Variants in FRYL observed in about 807,000 individuals in gnomAD.
FRYL encodes the protein FRY like transcription coactivator.
FRYL carries 150 observed loss-of-function variants against 351.2 expected under a neutral mutation model. The ratio of observed to expected loss-of-function variants is 0.43; its 90% CI spans 0.37 to 0.49. FRYL has a LOEUF of 0.49. Among genes scored for constraint, FRYL ranks in the 20% least tolerant of loss-of-function variants. FRYL has a pLI of 0.00. For synonymous variants in FRYL, 1,153 were observed against 1,257.1 expected, an observed-to-expected ratio of 0.92 and a Z score of 1.75; for missense variants, 3,036 against 3,619.3, an observed-to-expected ratio of 0.84 and a Z score of 4.13.
At chr4:48,736,233 T>C (rs529670196) in intron 1 of FRYL, among the ~76,000 whole-genome samples, 32 of 152,148 alleles carry the variant, frequency 2.1e-4, no homozygotes, top group African/African-American at 7.0e-4. Context: ...AGGGGGAATT[T>C]TGCTGCCTTA....
Position 48,549,354 on chromosome 4 carries a change from T to C in FRYL, c.4784+119A>G, listed in dbSNP as rs1732157514. On this transcript the variant is annotated intron_variant, in intron 39 of 63. Transcript: ENST00000358350. The surrounding 1 kb of genome is among the most constrained non-coding windows in gnomAD (Gnocchi z 4.2). ...TAGAATCTAAACACATTGATCTGTGTTGCAGTATCTCCATAAAGAAGATTG... is the reference window on the plus strand; with the variant it reads ...TAGAATCTAAACACATTGATCTGTGCTGCAGTATCTCCATAAAGAAGATTG... 2 of 745,228 alleles carry C rather than the reference T, an allele frequency of 2.7e-6. No individual in the cohort carries two copies. Among genetic ancestry groups the C allele is most frequent in the East Asian group, 5.7e-5 (2 of 35,264 alleles). The allele number at this position is 745,228 out of a possible 1,614,324, so 46.2% of individuals were successfully genotyped here.
intron 7 of FRYL, among the ~76,000 whole-genome samples, chr4:48,614,559 T>A (rs1748948679): frequency 6.6e-6 from 1 of 151,412 alleles, no homozygotes; most frequent in African/African-American, 2.4e-5. Flanking sequence ...CCATCTCTTC[T>A]AAAAATACAA....
chr4:48,582,192 C>A (rs1414741356), intron 20 of FRYL, among the ~76,000 whole-genome samples: 1 of 152,100 alleles, frequency 6.6e-6, no homozygotes, highest in East Asian at 1.9e-4. Context: ...AAATGGAAGA[C>A]TACCAAAAAT....
intron 7 of FRYL, among the ~76,000 whole-genome samples, chr4:48,613,869 T>C (rs1241783601): frequency 1.3e-5 from 2 of 151,660 alleles, no homozygotes; most frequent in African/African-American, 4.8e-5. Flanking sequence ...GGCAGGAGAA[T>C]TGCTTAAACC....
chr4:48,499,752 T>C lies in FRYL; in HGVS notation c.8784-72A>G. 2.2e-6 allele frequency: 3 copies of C among 1,340,956 alleles called. No individual in the cohort carries two copies. The South Asian group carries it at 4.0e-5, about 18-fold the overall frequency. The allele number at this position is 1,340,956 out of a possible 1,614,324, so 83.1% of individuals were successfully genotyped here. The stretch of plus-strand genomic sequence containing the variant: ...TAAGACTAACTCAATTTAAGTTAAA[T>C]ACCTGTAACAACAACATTTCCTTGT... On this transcript the variant is annotated intron_variant, in intron 63 of 63. Transcript: ENST00000358350.
At chr4:48,609,680 CTT>C in intron 8 of FRYL, 62 bp downstream of exon 8, 1 of 737,946 alleles carries the variant, frequency 1.4e-6, no homozygotes, top group Admixed American at 2.8e-5. Context: ...ATCAGTAAGA[CTT>C]AAAATAGTCT....
chr4:48,572,645 C>T (rs893682338), intron 26 of FRYL, among the ~76,000 whole-genome samples: 40 of 152,210 alleles, frequency 2.6e-4, no homozygotes, highest in African/African-American at 9.1e-4. Flanking sequence ...TACTTGAGTG[C>T]GTAATAAATT....
At chr4:48,656,460 T>G (rs1424374616) in intron 3 of FRYL, among the ~76,000 whole-genome samples, 1 of 132,828 alleles carries the variant, frequency 7.5e-6, no homozygotes, top group Non-Finnish European at 1.5e-5. Context: ...CATATAATCA[T>G]GTACATATAA....
At chr4:48,702,125 A>T (rs1448754404) in intron 2 of FRYL, among the ~76,000 whole-genome samples, 1 of 152,138 alleles carries the variant, frequency 6.6e-6, no homozygotes, top group Admixed American at 6.5e-5. Context: ...ATCTCATACA[A>T]TTCAACGTAT....
intron 17 of FRYL, among the ~76,000 whole-genome samples, chr4:48,590,187 A>C (rs1318062270): frequency 1.3e-5 from 2 of 152,156 alleles, no homozygotes; most frequent in Non-Finnish European, 2.9e-5. Context: ...TATCAAAAAA[A>C]CGTATTCACT....
intron 3 of FRYL, chr4:48,653,930 C>A (rs779822362): frequency 1.6e-5 from 20 of 1,225,940 alleles, no homozygotes; most frequent in Non-Finnish European, 2.1e-5. Flanking sequence ...CCCACAGTGC[C>A]TTGGCTTCAT....
chr4:48,581,455 T>C lies in FRYL; in HGVS notation c.2137A>G (p.Ile713Val). 1 of 1,611,064 alleles carries C rather than the reference T, an allele frequency of 6.2e-7. No individual in the cohort carries two copies. Among genetic ancestry groups the C allele is most frequent in the Non-Finnish European group, 8.5e-7 (1 of 1,179,242 alleles). ...RRLAVSVLRE[I>V]RALFALLEIP... ...TCCAGAAGTGCAAATAAAGCCCGTA[T>C]TTCTCTAAGGACACTGACGGCTAGT... Residue 713 changes from isoleucine (I) to valine (V), a missense_variant, in exon 21 of 64, where the codon ATA becomes GTA. Physicochemically the swap from Ile to Val is conservative, Grantham distance 29. Around this residue, in one of 7 missense-constraint regions of FRYL, gnomAD observed 492 missense variants for 551.5 expected, o/e 0.89. Coordinates refer to ENST00000358350, the MANE Select transcript of FRYL (RefSeq NM_015030.2).
intron 47 of FRYL, among the ~76,000 whole-genome samples, chr4:48,536,333 A>T (rs926833302): frequency 2.0e-5 from 3 of 152,204 alleles, no homozygotes; most frequent in African/African-American, 7.2e-5. Flanking sequence ...AAAGGACATC[A>T]CTGGGGCTCT....
chr4:48,507,039 C>G (rs183730859), intron 59 of FRYL, among the ~76,000 whole-genome samples: 2 of 152,236 alleles, frequency 1.3e-5, no homozygotes. Flanking sequence ...TTTATTCATA[C>G]AAAATGTTAA....
At chr4:48,659,068 G>C (rs1223211034) in intron 3 of FRYL, among the ~76,000 whole-genome samples, 2 of 151,896 alleles carry the variant, frequency 1.3e-5, no homozygotes, top group Admixed American at 6.6e-5. Flanking sequence ...AAGGAAGCAG[G>C]GGCCAGGTGC....
Position 48,609,809 on chromosome 4 carries a change from A to G in FRYL, c.426T>C (p.Pro142=), listed in dbSNP as rs1232845107. 13 of 1,584,912 alleles carry G rather than the reference A, an allele frequency of 8.2e-6. No homozygotes were observed. The highest frequency in any genetic ancestry group is 1.0e-5 in the Non-Finnish European group (12 of 1,162,030). The change falls in exon 8 of 64, where the codon CCT becomes CCC. Residue 142 remains proline, a synonymous_variant. Coordinates refer to ENST00000358350, the MANE Select transcript of FRYL (RefSeq NM_015030.2). ...CTTCATGAACTAAGGGATCGGGTAC[A>G]GGATGAACAGGAATCTAGAATTTAA... ...VEVLKQIPVH[P]VPDPLVHEVL...
chr4:48,615,220 C>A (rs1041144231), intron 7 of FRYL, among the ~76,000 whole-genome samples: 7 of 152,134 alleles, frequency 4.6e-5, no homozygotes, highest in African/African-American at 1.7e-4. Flanking sequence ...GCTAAATGAC[C>A]AATTCTCAGC....
chr4:48,539,908 C>A, intron 47 of FRYL, 63 bp downstream of exon 47: 1 of 1,232,478 alleles, frequency 8.1e-7, no homozygotes, highest in Non-Finnish European at 1.2e-6. Flanking sequence ...TTTCCCCCTC[C>A]TTTAACATAG....
In FRYL at chr4:48,748,633, T is replaced by C. The variant is rs140599237; in HGVS notation, c.-384+31445A>G. ...AGATACTTATCTTGTTTAAGCCACATAAAAAGAAAAAAAATAAAAACCAAG... is the reference window on the plus strand; with the variant it reads ...AGATACTTATCTTGTTTAAGCCACACAAAAAGAAAAAAAATAAAAACCAAG... On this transcript the variant is annotated intron_variant, in intron 1 of 63. Coordinates refer to ENST00000358350, the MANE Select transcript of FRYL (RefSeq NM_015030.2). Among the ~76,000 whole-genome samples the C allele has an allele frequency of 2.9e-3, 433 of 151,848 alleles. 9 individuals carry two copies. The highest frequency in any genetic ancestry group is 0.017 in the East Asian group (90 of 5,164).
Sources: gnomAD v4.1 joint callset for allele counts (sites outside exome capture counted in the v4.1 genomes callset) on GRCh38, gnomAD v4.1.1 for gene constraint, gnomAD v4.1.1 regional missense constraint, Gnocchi (gnomAD v3.1) non-coding constraint, MANE v1.5 for transcripts, NCBI Gene and HGNC (gene_info 2026-07-23, HGNC 2026-07-21) for gene names.